FARP2: variants seen among roughly 807,000 people sequenced by gnomAD.
FARP2 encodes FERM, ARHGEF and pleckstrin domain-containing protein 2.
In FARP2, 111 loss-of-function variants were observed where a neutral mutation model predicts 130.5. The observed-to-expected ratio is 0.85, with a 90% CI of 0.73 to 1.00. The LOEUF (loss-of-function observed/expected upper bound fraction) is 1.00. Among genes scored for constraint, FARP2 ranks in the 50% least tolerant of loss-of-function variants. The pLI is 0.00. For synonymous variants in FARP2, 504 were observed against 516.9 expected (o/e 0.98, Z 0.34); for missense variants, 1,385 against 1,346.3 (o/e 1.03, Z -0.45).
intron 13 of FARP2, among the ~76,000 whole-genome samples, chr2:241,450,709 C>T (rs1277114265): frequency 2.0e-5 from 3 of 151,824 alleles, no homozygotes; most frequent in Admixed American, 6.6e-5. Context: ...CCTGTAATCC[C>T]AGCAATTCGG....
chr2:241,462,528 G>A lies in FARP2; in HGVS notation c.1593G>A (p.Val531=). The change falls in exon 15 of 27, where the codon GTG becomes GTA. Residue 531 remains valine, a synonymous_variant. Transcript: ENST00000264042. ...MDCEEPRHKR[V]PADEAYFIVK... ...CAGCTCTCTGCTTCTTTCAGCGCGT[G>A]CCTGCAGACGAGGCCTACTTCATAG... The A allele has an allele frequency of 6.2e-7, 1 of 1,613,110 alleles. No homozygotes were observed. The highest frequency in any genetic ancestry group is 8.5e-7 in the Non-Finnish European group (1 of 1,179,052).
At chr2:241,435,886 A>G (rs946213228) in intron 11 of FARP2, among the ~76,000 whole-genome samples, 19 of 143,272 alleles carry the variant, frequency 1.3e-4, no homozygotes, top group African/African-American at 4.1e-4. Flanking sequence ...TAGCTTATAT[A>G]TATTTTTACA....
intron 2 of FARP2, among the ~76,000 whole-genome samples, chr2:241,378,363 C>A (rs531825242): frequency 9.9e-5 from 15 of 151,706 alleles, no homozygotes; most frequent in Admixed American, 3.3e-4. Flanking sequence ...CGCCTCCCCC[C>A]CTCGGCCTCC....
chr2:241,414,076 G>A (rs1366624103), intron 7 of FARP2, among the ~76,000 whole-genome samples: 3 of 152,120 alleles, frequency 2.0e-5, no homozygotes, highest in Non-Finnish European at 2.9e-5. Context: ...AGTCCTCTAC[G>A]GGGAAGACAC....
At chr2:241,416,238 A>G (rs2062667871) in intron 7 of FARP2, among the ~76,000 whole-genome samples, 3 of 152,030 alleles carry the variant, frequency 2.0e-5, no homozygotes. Context: ...GTGTCCTTAC[A>G]TGTGCACATG....
chr2:241,436,978 C>T (rs557513594), intron 12 of FARP2, among the ~76,000 whole-genome samples: 1 of 152,044 alleles, frequency 6.6e-6, no homozygotes, highest in Admixed American at 6.5e-5. Context: ...AGAACAAGAT[C>T]CTGTCTCAAA....
chr2:241,453,353 T>C (rs1574854429), intron 13 of FARP2, among the ~76,000 whole-genome samples: 1 of 151,152 alleles, frequency 6.6e-6, no homozygotes, highest in Admixed American at 6.6e-5. Flanking sequence ...CTGGGCGCGG[T>C]GGCTCATGCC....
intron 2 of FARP2, among the ~76,000 whole-genome samples, chr2:241,399,411 TCTC>T (rs1420185584): frequency 6.6e-6 from 1 of 152,162 alleles, no homozygotes; most frequent in Non-Finnish European, 1.5e-5. Context: ...TTCAAGCAAT[TCTC>T]CTGTCTCAGC....
intron 12 of FARP2, among the ~76,000 whole-genome samples, chr2:241,437,357 C>T (rs2063258119): frequency 6.6e-6 from 1 of 152,236 alleles, no homozygotes; most frequent in Admixed American, 6.5e-5. Context: ...TGTGATGGGA[C>T]ATCAGCGACC....
At chr2:241,436,441 G>A (rs762190573) in intron 11 of FARP2, 40 bp from the exon 12 acceptor site, 73 of 1,595,060 alleles carry the variant, frequency 4.6e-5, no homozygotes, top group African/African-American at 1.9e-4. Flanking sequence ...GCTGAGAAGG[G>A]GAGGGCTTGG....
Position 241,436,472 on chromosome 2 carries a change from G to A in FARP2, c.1101-9G>A. On this transcript the variant is annotated splice_polypyrimidine_tract_variant and intron_variant, in intron 11 of 26. Transcript: ENST00000264042. ...CTTGGTTTCTCACAGCTCGTCCTCT[G>A]TTTTGCAGAAGGCACAGCAAGACCC... 1 of 1,614,140 alleles carries A rather than the reference G, an allele frequency of 6.2e-7. No homozygotes were observed. Among genetic ancestry groups the A allele is most frequent in the African/African-American group, 1.3e-5 (1 of 75,042 alleles).
At chr2:241,483,666 G>C (rs1574908423) in intron 20 of FARP2, 133 bp downstream of exon 20, 1 of 1,248,924 alleles carries the variant, frequency 8.0e-7, no homozygotes, top group Non-Finnish European at 1.1e-6. Flanking sequence ...GGTCCAGGTG[G>C]GTAGCGTTGG....
chr2:241,466,411 G>A (rs1474871497), intron 17 of FARP2: 5 of 985,292 alleles, frequency 5.1e-6, no homozygotes, highest in East Asian at 1.1e-4. Context: ...GCCCGCTGTG[G>A]GTGGGCACTG....
At chr2:241,419,702 A>G (rs894942019) in intron 8 of FARP2, among the ~76,000 whole-genome samples, 1 of 152,212 alleles carries the variant, frequency 6.6e-6, no homozygotes, top group Non-Finnish European at 1.5e-5. Context: ...GTGCAAGCCA[A>G]CATGTTCCCA....
In FARP2 at chr2:241,456,737, T is replaced by A. The variant is rs757275917; in HGVS notation, c.1412-10T>A. ...TTTCTCGCTCCATCCCCCTCCCCGT[T>A]CATTTCCAGGCCTTTCCACGAAGAG... On this transcript the variant is annotated splice_polypyrimidine_tract_variant and intron_variant, in intron 13 of 26. Coordinates refer to ENST00000264042, the MANE Select transcript of FARP2 (RefSeq NM_014808.4). 6.2e-7 allele frequency: 1 copy of A among 1,614,028 alleles called. No individual in the cohort carries two copies. Among genetic ancestry groups the A allele is most frequent in the Non-Finnish European group, 8.5e-7 (1 of 1,179,952 alleles).
intron 2 of FARP2, chr2:241,395,360 A>G (rs975047391): frequency 1.3e-5 from 2 of 152,254 alleles, no homozygotes; most frequent in African/African-American, 2.4e-5. Context: ...ACCTTATTTT[A>G]TATTTATCAT....
intron 12 of FARP2, among the ~76,000 whole-genome samples, chr2:241,437,658 A>AT (rs1478318608): frequency 1.8e-4 from 24 of 134,344 alleles, no homozygotes; most frequent in African/African-American, 5.5e-4. Flanking sequence ...ATATTTATTT[A>AT]TTTATTTATT....
intron 4 of FARP2, among the ~76,000 whole-genome samples, chr2:241,406,492 C>G (rs1226584067): frequency 1.3e-5 from 2 of 151,772 alleles, no homozygotes. Flanking sequence ...TGTCACCCAG[C>G]CTGGAGTGCA....
At chr2:241,402,836 T>C (rs2062205749) in intron 2 of FARP2, among the ~76,000 whole-genome samples, 1 of 16,832 alleles carries the variant, frequency 5.9e-5, no homozygotes, top group Non-Finnish European at 1.1e-4. Flanking sequence ...CCCAGCTAAT[T>C]TATATATATA....
Sources: gnomAD v4.1 joint callset for allele counts (sites outside exome capture counted in the v4.1 genomes callset) on GRCh38, gnomAD v4.1.1 for gene constraint, MANE v1.5 for transcripts, NCBI Gene and HGNC (gene_info 2026-07-23, HGNC 2026-07-21) for gene names.